AR: variants seen among roughly 807,000 people sequenced by gnomAD.
The protein encoded by AR is dihydrotestosterone receptor.
AR carries 8 observed loss-of-function variants against 53.9 expected under a neutral mutation model. The ratio of observed to expected loss-of-function variants is 0.15; its 90% confidence interval spans 0.09 to 0.27. AR has a LOEUF of 0.27. Among genes scored for constraint, AR ranks in the 10% least tolerant of loss-of-function variants. The probability of loss-of-function intolerance (pLI) is 1.00; values close to 1 mark genes in which losing one functional copy is unlikely to be tolerated. For missense variants in AR, 639 were observed against 742.5 expected (o/e 0.86, Z 1.62); for synonymous variants, 359 against 316.4 (o/e 1.13, Z -1.43).
rs2076152976 is a variant in AR at position 67,725,237 on chromosome X, C to CATCT, written c.*1401_*1404dup. 1 of 173,424 alleles carries CATCT rather than the reference C, an allele frequency of 5.8e-6. No homozygotes were observed. The highest frequency in any genetic ancestry group is 1.1e-5 in the Non-Finnish European group (1 of 91,163). The allele number at this position is 173,424 out of a possible 1,213,427, so 14.3% of individuals were successfully genotyped here. A position where few individuals can be genotyped will look rare whatever the true frequency, so the allele number is the denominator to read the frequency against. ...AAGGTTAGCAGGCCAACAGCTCTGA[C>CATCT]ATCTATCTGTAGATGCCAGTAGTCA... On this transcript the variant is annotated 3_prime_UTR_variant, in exon 8 of 8. Transcript: ENST00000374690.
chrX:67,636,726 G>C (rs1201070543), intron 1 of AR, among the ~76,000 whole-genome samples: 1 of 111,676 alleles, frequency 9.0e-6, no homozygotes, highest in Admixed American at 9.6e-5. Flanking sequence ...AGTCAGAGCT[G>C]CAATGTGCCC....
intron 1 of AR, among the ~76,000 whole-genome samples, chrX:67,551,410 A>G (rs1286469396): frequency 8.9e-6 from 1 of 112,169 alleles, no homozygotes; most frequent in Non-Finnish European, 1.9e-5. Context: ...AAGTTCTGGG[A>G]TGTTAAATTC....
At chrX:67,649,040 A>G (rs892523531) in intron 2 of AR, among the ~76,000 whole-genome samples, 8 of 111,363 alleles carry the variant, frequency 7.2e-5, no homozygotes, top group African/African-American at 2.6e-4. Flanking sequence ...CCACCCCCTA[A>G]TAAGCCCCAG....
At chrX:67,669,845 G>A (rs976343869) in intron 2 of AR, among the ~76,000 whole-genome samples, 7 of 108,551 alleles carry the variant, frequency 6.4e-5, no homozygotes, top group East Asian at 2.9e-4. Flanking sequence ...CTATTTTGTC[G>A]GATATTAGTA....
chrX:67,641,993 TG>T (rs1281765215), intron 1 of AR, among the ~76,000 whole-genome samples: 4 of 110,714 alleles, frequency 3.6e-5, no homozygotes, highest in Middle Eastern at 4.6e-3. Flanking sequence ...CAAATTGTCC[TG>T]CACTTCCCCT....
In AR at chrX:67,711,409, G is replaced by A. The variant is rs2076093122; in HGVS notation, c.1893G>A (p.Lys631=). The A allele has an allele frequency of 8.4e-7, 1 of 1,191,223 alleles. No homozygotes were observed. ...YEAGMTLGAR[K]LKKLGNLKLQ... The stretch of plus-strand genomic sequence containing the variant: ...TCTCTTCCTTCCCAATAGCCCGGAA[G>A]CTGAAGAAACTTGGTAATCTGAAAC... Residue 631 remains lysine (K), a synonymous_variant, in exon 4 of 8, where the codon AAG becomes AAA. Transcript: ENST00000374690.
intron 2 of AR, among the ~76,000 whole-genome samples, chrX:67,675,420 C>G (rs1348725469): frequency 1.8e-5 from 2 of 111,475 alleles, no homozygotes; most frequent in Non-Finnish European, 3.8e-5. Context: ...TATTTGAGAT[C>G]CCAGAGCACT....
At chrX:67,563,702 A>G (rs1203525052) in intron 1 of AR, among the ~76,000 whole-genome samples, 1 of 111,989 alleles carries the variant, frequency 8.9e-6, no homozygotes, top group East Asian at 2.8e-4. Flanking sequence ...GCAAGTTATT[A>G]AGTTACTTCC....
At chrX:67,630,599 C>T (rs1334456143) in intron 1 of AR, among the ~76,000 whole-genome samples, 2 of 111,067 alleles carry the variant, frequency 1.8e-5, no homozygotes. Flanking sequence ...ATCCAATTTG[C>T]CAGTCTGTGT....
chrX:67,631,466 CT>C (rs1232578228), intron 1 of AR, among the ~76,000 whole-genome samples: 1 of 112,163 alleles, frequency 8.9e-6, no homozygotes, highest in Non-Finnish European at 1.9e-5. Context: ...TCACGTAGTT[CT>C]CGAGCCTTAG....
At chrX:67,715,014 C>G (rs756312162) in intron 4 of AR, among the ~76,000 whole-genome samples, 55 of 111,228 alleles carry the variant, frequency 4.9e-4, no homozygotes, top group Non-Finnish European at 1.0e-3. Flanking sequence ...TTTGTTAGTT[C>G]GGTGGCATTT....
chrX:67,597,626 TG>T (rs774621099), intron 1 of AR, among the ~76,000 whole-genome samples: 1 of 111,930 alleles, frequency 8.9e-6, no homozygotes, highest in Admixed American at 9.5e-5. Context: ...GAGAGCTGTA[TG>T]CTACTGAATG....
At chrX:67,593,373 TG>T (rs1922925396) in intron 1 of AR, among the ~76,000 whole-genome samples, 1 of 108,659 alleles carries the variant, frequency 9.2e-6, no homozygotes. Flanking sequence ...TCTTTTTTTT[TG>T]AGACAGAGTC....
chrX:67,720,164 T>C (rs2076129720), intron 5 of AR, among the ~76,000 whole-genome samples: 1 of 111,589 alleles, frequency 9.0e-6, no homozygotes, highest in African/African-American at 3.3e-5. Flanking sequence ...TCATTTCTCC[T>C]CTTATTTTCT....
chrX:67,574,262 T>G (rs1336351771), intron 1 of AR, among the ~76,000 whole-genome samples: 1 of 111,245 alleles, frequency 9.0e-6, no homozygotes, highest in East Asian at 2.8e-4. Flanking sequence ...AGGTGATGAG[T>G]TCCAGCATTT....
intron 2 of AR, among the ~76,000 whole-genome samples, chrX:67,675,773 G>A (rs1451065432): frequency 8.9e-6 from 1 of 111,775 alleles, no homozygotes; most frequent in Admixed American, 9.5e-5. Flanking sequence ...CCTGATTTTT[G>A]GTTCTTATGA....
chrX:67,628,564 C>T (rs1924841207), intron 1 of AR, among the ~76,000 whole-genome samples: 1 of 108,661 alleles, frequency 9.2e-6, no homozygotes, highest in Non-Finnish European at 1.9e-5. Context: ...TCTAGATATA[C>T]AATCATGTCA....
At chrX:67,673,279 T>G (rs2075877502) in intron 2 of AR, among the ~76,000 whole-genome samples, 1 of 110,375 alleles carries the variant, frequency 9.1e-6, no homozygotes, top group African/African-American at 3.3e-5. Context: ...TTCTTGTACT[T>G]GGATATTAAT....
At chrX:67,576,470 A>C (rs1390221894) in intron 1 of AR, among the ~76,000 whole-genome samples, 1 of 110,685 alleles carries the variant, frequency 9.0e-6, no homozygotes, top group Non-Finnish European at 1.9e-5. Flanking sequence ...GAGAGAATTA[A>C]ATCATGAGTT....
Sources: gnomAD v4.1 joint callset for allele counts (sites outside exome capture counted in the v4.1 genomes callset) on GRCh38, gnomAD v4.1.1 for gene constraint, MANE v1.5 for transcripts, NCBI Gene and HGNC (gene_info 2026-07-23, HGNC 2026-07-21) for gene names.